KIAA1217: variants seen among roughly 807,000 people sequenced by gnomAD.
The protein encoded by KIAA1217 is sickle tail protein homolog.
KIAA1217 carries 88 observed loss-of-function variants against 163.9 expected under a neutral mutation model. That is an observed-to-expected ratio of 0.54 (90% confidence interval 0.45 to 0.64). The LOEUF (loss-of-function observed/expected upper bound fraction) is 0.64. Among genes scored for constraint, KIAA1217 ranks in the 30% least tolerant of loss-of-function variants. The pLI is 0.00. For missense variants in KIAA1217, 2,372 were observed against 2,475.0 expected, an observed-to-expected ratio of 0.96 and a Z score of 0.88; for synonymous variants, 903 against 923.1, an observed-to-expected ratio of 0.98 and a Z score of 0.39.
At chr10:24,182,711 G>T (rs767371768) in intron 2 of KIAA1217, among the ~76,000 whole-genome samples, 14 of 152,168 alleles carry the variant, frequency 9.2e-5, no homozygotes, top group Non-Finnish European at 1.5e-5. Flanking sequence ...AGACATACTT[G>T]AGGATATGAG....
At chr10:24,299,213 C>T (rs2040995696) in intron 2 of KIAA1217, among the ~76,000 whole-genome samples, 1 of 152,124 alleles carries the variant, frequency 6.6e-6, no homozygotes, top group African/African-American at 2.4e-5. Context: ...GATTTTGGGG[C>T]CAGGCTCTAA....
chr10:24,061,449 T>C (rs2060718280), intron 2 of KIAA1217, among the ~76,000 whole-genome samples: 2 of 152,244 alleles, frequency 1.3e-5, no homozygotes, highest in South Asian at 4.1e-4. Context: ...AATAACAGTA[T>C]TCTCTATTTG....
At chr10:24,223,581 G>A (rs1275057959) in intron 2 of KIAA1217, among the ~76,000 whole-genome samples, 6 of 152,120 alleles carry the variant, frequency 3.9e-5, no homozygotes, top group African/African-American at 1.4e-4. Flanking sequence ...TGCTCTTCTG[G>A]CAGCTGTTTT....
intron 6 of KIAA1217, among the ~76,000 whole-genome samples, chr10:24,487,915 C>T (rs1360332438): frequency 1.3e-5 from 2 of 152,158 alleles, no homozygotes; most frequent in Non-Finnish European, 2.9e-5. Context: ...AGCATGGGAA[C>T]AGCAAGGCTG....
intron 1 of KIAA1217, among the ~76,000 whole-genome samples, chr10:23,903,114 G>A (rs752786139): frequency 2.6e-5 from 4 of 151,942 alleles, no homozygotes; most frequent in Non-Finnish European, 4.4e-5. Context: ...TCATTAGCCC[G>A]CACAAATACT....
intron 12 of KIAA1217, among the ~76,000 whole-genome samples, chr10:24,523,499 A>T (rs1379233514): frequency 2.0e-5 from 3 of 152,186 alleles, no homozygotes; most frequent in South Asian, 2.1e-4. Flanking sequence ...AATAAAAAAA[A>T]GTAACATAAT....
chr10:24,435,114 A>G (rs1018223269), intron 4 of KIAA1217, among the ~76,000 whole-genome samples: 9 of 152,218 alleles, frequency 5.9e-5, no homozygotes, highest in African/African-American at 1.9e-4. Flanking sequence ...GTATCTACCA[A>G]TGATCACAAA....
At chr10:24,415,324 A>G (rs1214441324) in intron 3 of KIAA1217, among the ~76,000 whole-genome samples, 1 of 151,908 alleles carries the variant, frequency 6.6e-6, no homozygotes, top group African/African-American at 2.4e-5. Flanking sequence ...CTTGTTGGCC[A>G]GGCTGGTCTC....
At chr10:24,347,370 G>A (rs1344120676) in intron 2 of KIAA1217, among the ~76,000 whole-genome samples, 1 of 152,224 alleles carries the variant, frequency 6.6e-6, no homozygotes, top group Non-Finnish European at 1.5e-5. Flanking sequence ...AGTGGGACTG[G>A]AAGGAGCCAT....
At chr10:24,219,265 C>A (rs2069251604) in intron 1 of KIAA1217, among the ~76,000 whole-genome samples, 1 of 152,008 alleles carries the variant, frequency 6.6e-6, no homozygotes, top group African/African-American at 2.4e-5. Flanking sequence ...AGGCGTGCAC[C>A]ACTACGCCTG....
intron 3 of KIAA1217, among the ~76,000 whole-genome samples, chr10:24,392,620 G>C (rs1484235293): frequency 2.0e-5 from 3 of 151,972 alleles, no homozygotes; most frequent in Non-Finnish European, 4.4e-5. Flanking sequence ...TGGCAAAAGA[G>C]AGTTAGAAAA....
At chr10:23,949,604 T>G (rs1167708352) in intron 1 of KIAA1217, among the ~76,000 whole-genome samples, 1 of 152,192 alleles carries the variant, frequency 6.6e-6, no homozygotes, top group East Asian at 1.9e-4. Context: ...TTTTACCTTT[T>G]TTTAAGATTA....
At chr10:23,713,842 C>T (rs1222498495) in intron 1 of KIAA1217, among the ~76,000 whole-genome samples, 3 of 152,134 alleles carry the variant, frequency 2.0e-5, no homozygotes, top group Non-Finnish European at 4.4e-5. Flanking sequence ...CCTATTTCCA[C>T]CTCTAGACAA....
In KIAA1217 at chr10:24,545,968, C is replaced by T. The variant is rs2075693968; in HGVS notation, c.5476C>T (p.Pro1826Ser). The T allele has an allele frequency of 1.9e-6, 3 of 1,614,156 alleles. No homozygotes were observed. Among genetic ancestry groups the T allele is most frequent in the East Asian group, 2.2e-5 (1 of 44,872 alleles). ...PSSSGDSSNL[P>S]NPPATKPSIA... ...TTCTAGTGGTGACAGCTCTAACCTC[C>T]CTAATCCACCTGCTACTAAACCATC... The change falls in exon 21 of 21, where the codon CCT becomes TCT. Residue 1826 changes from proline (P) to serine (S), a missense_variant. Transcript: ENST00000376454.
chr10:24,296,874 G>A (rs921626390), intron 2 of KIAA1217, among the ~76,000 whole-genome samples: 10 of 152,130 alleles, frequency 6.6e-5, no homozygotes, highest in South Asian at 2.1e-4. Context: ...CACTCTACAC[G>A]TGTATAGTTT....
intron 13 of KIAA1217, among the ~76,000 whole-genome samples, chr10:24,525,950 C>G (rs1233438832): frequency 6.6e-6 from 1 of 152,188 alleles, no homozygotes; most frequent in African/African-American, 2.4e-5. Context: ...AAGATCACGC[C>G]ACTGCACTCT....
chr10:24,347,760 T>C (rs981849875), intron 2 of KIAA1217, among the ~76,000 whole-genome samples: 5 of 152,146 alleles, frequency 3.3e-5, no homozygotes, highest in African/African-American at 9.7e-5. Flanking sequence ...AAGAAATGCT[T>C]TGAGGTTTTT....
chr10:24,106,056 G>A (rs893460380), intron 2 of KIAA1217, among the ~76,000 whole-genome samples: 15 of 152,178 alleles, frequency 9.9e-5, no homozygotes, highest in East Asian at 9.7e-4. Flanking sequence ...GTGCAGCTGG[G>A]ATTTTGACAA....
At chr10:23,802,670 T>C (rs1385779460) in intron 1 of KIAA1217, among the ~76,000 whole-genome samples, 1 of 152,230 alleles carries the variant, frequency 6.6e-6, no homozygotes, top group African/African-American at 2.4e-5. Context: ...ACTGATCAAG[T>C]ACAGAGAAGA....
Sources: allele counts gnomAD v4.1 joint callset (sites outside exome capture counted in the v4.1 genomes callset), GRCh38; gene constraint gnomAD v4.1.1; transcripts MANE v1.5; gene names NCBI Gene and HGNC (gene_info 2026-07-23, HGNC 2026-07-21).